Variants in ZNF254 observed in about 807,000 individuals in gnomAD.
The protein encoded by ZNF254 is zinc finger protein 254.
In ZNF254, 10 loss-of-function variants were observed where a neutral mutation model predicts 12.4. The observed-to-expected ratio is 0.80, with a 90% CI of 0.50 to 1.36. The LOEUF (loss-of-function observed/expected upper bound fraction) is 1.36, where lower values mean the gene tolerates loss of function less well. ZNF254 is among the 40% of genes most tolerant of loss of function. The pLI, the probability that ZNF254 is intolerant of heterozygous loss-of-function variation, is 0.00. For missense variants in ZNF254, 996 were observed against 763.9 expected (o/e 1.30, Z -3.58); for synonymous variants, 305 against 253.4 (o/e 1.20, Z -1.93).
intron 1 of ZNF254, among the ~76,000 whole-genome samples, chr19:24,045,667 CAAAAAA>C (rs35872820): frequency 3.0e-4 from 27 of 88,796 alleles, no homozygotes; most frequent in Non-Finnish European, 3.0e-4. Flanking sequence ...GACTCTGTCT[CAAAAAA>C]AAAAAAAAAA....
Position 24,090,324 on chromosome 19 carries a change from T to C in ZNF254, c.30+2987T>C, listed in dbSNP as rs565762838. ...CTCCTGAGAGGGGGTTATTGAGCACTTTAGTGAGTAGGATGGGGTGGGACA... is the reference window on the plus strand; with the variant it reads ...CTCCTGAGAGGGGGTTATTGAGCACCTTAGTGAGTAGGATGGGGTGGGACA... On this transcript the variant is annotated intron_variant, in intron 1 of 3. Transcript: ENST00000357002. 5.9e-5 allele frequency among the ~76,000 whole-genome samples: 9 copies of C among 152,254 alleles called. 1 individual carries two copies. The South Asian group carries it at 1.0e-3, about 18-fold the overall frequency.
At chr19:24,113,619 T>G (rs1045411273) in intron 3 of ZNF254, among the ~76,000 whole-genome samples, 1 of 152,164 alleles carries the variant, frequency 6.6e-6, no homozygotes, top group Non-Finnish European at 1.5e-5. Context: ...CTTTGAAAAC[T>G]GGCACAAGAC....
chr19:24,101,676 G>T (rs1028722048), intron 1 of ZNF254, among the ~76,000 whole-genome samples: 4 of 152,178 alleles, frequency 2.6e-5, no homozygotes, highest in African/African-American at 9.7e-5. Flanking sequence ...CTCCACCAGG[G>T]TACTTCCATT....
At chr19:24,046,373 T>TATATATATATATATATATA (rs1555750839) in intron 2 of ZNF254, 1,450 of 95,046 alleles carry the variant, frequency 0.015, 58 homozygotes, top group Non-Finnish European at 0.019. Context: ...TTATTATTTT[T>TATATATATATATATATATA]TATATATATA....
intron 3 of ZNF254, among the ~76,000 whole-genome samples, chr19:24,118,283 A>C (rs1260789177): frequency 6.6e-6 from 1 of 151,874 alleles, no homozygotes; most frequent in Non-Finnish European, 1.5e-5. Context: ...TGAACTCCTG[A>C]CCTCAAAATC....
upstream of ZNF254, among the ~76,000 whole-genome samples, chr19:24,086,160 T>C (rs1431623027): frequency 2.0e-5 from 3 of 152,024 alleles, no homozygotes; most frequent in Non-Finnish European, 4.4e-5. Context: ...TTAGCCAAGA[T>C]GGCGCCACTG....
intron 2 of ZNF254, among the ~76,000 whole-genome samples, chr19:24,059,959 C>G (rs1387757241): frequency 6.6e-6 from 1 of 152,094 alleles, no homozygotes. Flanking sequence ...AAAGATGTGA[C>G]TCTTCTCTTC....
chr19:24,117,814 G>A (rs1198922450), intron 3 of ZNF254, among the ~76,000 whole-genome samples: 1 of 151,918 alleles, frequency 6.6e-6, no homozygotes, highest in Non-Finnish European at 1.5e-5. Context: ...GTAGACCGGA[G>A]CTGTTCGTAT....
intron 2 of ZNF254, among the ~76,000 whole-genome samples, chr19:24,050,431 A>G (rs1436960906): frequency 6.6e-6 from 1 of 152,180 alleles, no homozygotes; most frequent in Non-Finnish European, 1.5e-5. Flanking sequence ...ATGTGCTGAG[A>G]TTACAGGTGT....
At chr19:24,060,676 A>C (rs1971033071) in intron 2 of ZNF254, among the ~76,000 whole-genome samples, 1 of 152,292 alleles carries the variant, frequency 6.6e-6, no homozygotes, top group African/African-American at 2.4e-5. Flanking sequence ...ATTCTTCTGC[A>C]TTATCCCAGC....
rs780866626 is a variant in ZNF254, at chr19:24,127,540, G to A, written c.1540G>A (p.Gly514Arg). ...TACTACACATAAGATAATTCATACT[G>A]GAGAGAAACCCTACAAATGTGAAGA... ...TLTTHKIIHT[G>R]EKPYKCEECG... The change falls in exon 4 of 4, where the codon GGA becomes AGA. Residue 514 changes from glycine to arginine, a missense_variant. Physicochemically the swap from Gly to Arg is moderately radical, Grantham distance 125. Coordinates refer to ENST00000357002, the MANE Select transcript of ZNF254 (RefSeq NM_203282.4). The A allele has an allele frequency of 6.2e-7, 1 of 1,612,940 alleles. No homozygotes were observed.
intron 3 of ZNF254, among the ~76,000 whole-genome samples, chr19:24,115,872 C>T (rs1974028524): frequency 6.6e-6 from 1 of 152,070 alleles, no homozygotes; most frequent in Non-Finnish European, 1.5e-5. Context: ...CCTTCAGGAG[C>T]TCTTTTAGGG....
At chr19:24,104,625 A>G (rs1283516489) in intron 1 of ZNF254, 3 of 152,186 alleles carry the variant, frequency 2.0e-5, no homozygotes, top group African/African-American at 7.2e-5. Flanking sequence ...TTTTCTATAT[A>G]CAAGAATCTT....
intron 1 of ZNF254, among the ~76,000 whole-genome samples, chr19:24,099,256 C>T (rs1355293010): frequency 6.6e-6 from 1 of 151,384 alleles, no homozygotes; most frequent in African/African-American, 2.4e-5. Context: ...CCACCAGCCT[C>T]AGCCTCCCAA....
chr19:24,118,374 C>T (rs938912785), intron 3 of ZNF254, among the ~76,000 whole-genome samples: 2 of 152,050 alleles, frequency 1.3e-5, no homozygotes, highest in African/African-American at 4.8e-5. Context: ...GCATCATCAA[C>T]AGATTAGGTG....
At chr19:24,076,033 C>A (rs1971644937) in intron 2 of ZNF254, among the ~76,000 whole-genome samples, 1 of 152,174 alleles carries the variant, frequency 6.6e-6, no homozygotes, top group South Asian at 2.1e-4. Context: ...TTATTGTGTT[C>A]TTTTAGGATG....
At chr19:24,042,342 G>T (rs1970204058) in intron 1 of ZNF254, among the ~76,000 whole-genome samples, 1 of 152,192 alleles carries the variant, frequency 6.6e-6, no homozygotes, top group Non-Finnish European at 1.5e-5. Flanking sequence ...ATGTGGGTGG[G>T]GCCAGATAAG....
chr19:24,116,171 G>A (rs1407398630), intron 3 of ZNF254, among the ~76,000 whole-genome samples: 4 of 151,222 alleles, frequency 2.6e-5, no homozygotes, highest in South Asian at 4.1e-4. Flanking sequence ...ACAATTATGT[G>A]TCTTGGAGTT....
chr19:24,073,091 T>C (rs528382582), intron 2 of ZNF254, among the ~76,000 whole-genome samples: 143 of 152,336 alleles, frequency 9.4e-4, no homozygotes, highest in African/African-American at 3.3e-3. Flanking sequence ...TCACATTTTA[T>C]ATAAAGTCTT....
Sources: allele counts gnomAD v4.1 joint callset (sites outside exome capture counted in the v4.1 genomes callset), GRCh38; gene constraint gnomAD v4.1.1; transcripts MANE v1.5; gene names NCBI Gene and HGNC (gene_info 2026-07-23, HGNC 2026-07-21).